Variants in DCHS1 observed in about 807,000 individuals in gnomAD.
DCHS1 encodes the protein protocadherin-16.
DCHS1 carries 78 observed loss-of-function variants against 213.9 expected under a neutral mutation model. That is an observed-to-expected ratio of 0.36 (90% CI 0.30 to 0.44). The LOEUF (loss-of-function observed/expected upper bound fraction) is 0.44, where lower values mean the gene tolerates loss of function less well. Among genes scored for constraint, DCHS1 ranks in the 20% least tolerant of loss-of-function variants. The pLI is 1.00. For missense variants in DCHS1, 3,946 were observed against 4,395.9 expected, an observed-to-expected ratio of 0.90 and a Z score of 2.89; for synonymous variants, 1,828 against 1,873.7, an observed-to-expected ratio of 0.98 and a Z score of 0.63.
chr11:6,623,366 T>G lies in DCHS1; in HGVS notation c.8310A>C (p.Arg2770=). 1 of 1,597,854 alleles carries G rather than the reference T, an allele frequency of 6.3e-7. No homozygotes were observed. Among genetic ancestry groups the G allele is most frequent in the South Asian group, 1.1e-5 (1 of 88,338 alleles). Residue 2770 remains arginine (R), a synonymous_variant, in exon 21 of 21, where the codon CGA becomes CGC. Transcript: ENST00000299441. ...LNSSTGELRA[R]VPFDYEHTES... is the part of the protein sequence containing the mutation. ...CTGTGTGCTCATAGTCAAAGGGCAC[T>G]CGCGCACGCAACTCCCCTGTTGAGC... is the stretch of plus-strand genomic sequence containing the variant.
In DCHS1 at chr11:6,640,662, G is replaced by A. The variant is rs111476304; in HGVS notation, c.952C>T (p.Arg318Trp). 945 of 1,612,802 alleles carry A rather than the reference G, an allele frequency of 5.9e-4. 6 individuals are homozygous for A. In the African/African-American group the frequency reaches 0.011, roughly 19 times the overall value. ...DAHTGLLQLERPLDFEQRRVH... is the reference protein window; with the variant it reads ...DAHTGLLQLEWPLDFEQRRVH... ...CGCCGCTGCTCAAAGTCCAGTGGCC[G>A]CTCTAACTGCAGCAGCCCCGTGTGT... is the stretch of plus-strand genomic sequence containing the variant. The change falls in exon 2 of 21, where the codon CGG (arginine) becomes TGG (tryptophan). Residue 318 changes from arginine to tryptophan, a missense_variant. By Grantham distance (101) the Arg-to-Trp change is moderately radical. This residue lies in a region of DCHS1 where 3,384 missense variants were observed against 3,780.1 expected (regional missense o/e 0.90). Transcript: ENST00000299441. The surrounding 1 kb of genome is among the most constrained non-coding windows in gnomAD (Gnocchi z 6.5).
rs761475301 is a variant in DCHS1 at position 6,622,342 on chromosome 11, G to T, written c.9334C>A (p.Pro3112Thr). Residue 3112 changes from proline to threonine, a missense_variant, in exon 21 of 21, where the codon CCC becomes ACC. Pro to Thr is a conservative substitution (Grantham distance 38). This residue lies in a region of DCHS1 where 554 missense variants were observed against 590.2 expected (regional missense o/e 0.94). Coordinates refer to ENST00000299441, the MANE Select transcript of DCHS1 (RefSeq NM_003737.4). The surrounding 1 kb of genome is among the most constrained non-coding windows in gnomAD (Gnocchi z 5.4). Reference sequence around the variant, plus strand: ...AGGAAGGCTGTGGCAGTGGCTGGGGGCCCCTCCTCTCTGTAGAGAGTGGCT... The same window carrying T: ...AGGAAGGCTGTGGCAGTGGCTGGGGTCCCCTCCTCTCTGTAGAGAGTGGCT... The part of the protein sequence containing the change: ...AGATLYREEG[P>T]PATATAFLGG... 5 of 1,597,338 alleles carry T rather than the reference G, an allele frequency of 3.1e-6. No homozygotes were observed. Among genetic ancestry groups the T allele is most frequent in the Admixed American group, 3.5e-5 (2 of 57,878 alleles).
chr11:6,654,133 A>G (rs530807867), intron 1 of DCHS1, among the ~76,000 whole-genome samples: 2 of 152,166 alleles, frequency 1.3e-5, no homozygotes, highest in Admixed American at 1.3e-4. Context: ...TACGTATGAG[A>G]AGGGGTGAAG....
Position 6,630,222 on chromosome 11 carries a change from G to A in DCHS1, c.4572C>T (p.Arg1524=), listed in dbSNP as rs1589955830. 6.4e-7 allele frequency: 1 copy of A among 1,561,942 alleles called. No homozygotes were observed. Among genetic ancestry groups the A allele is most frequent in the Non-Finnish European group, 8.7e-7 (1 of 1,156,046 alleles). Residue 1524 remains arginine, a synonymous_variant, in exon 10 of 21, where the codon CGC becomes CGT. Transcript: ENST00000299441. Reference sequence around the variant, plus strand: ...GCGCTGAAACGCGCGCTGCACGACGGCGGCTGGCGTTGGCGGGCCGGTCGG... The same window carrying A: ...GCGCTGAAACGCGCGCTGCACGACGACGGCTGGCGTTGGCGGGCCGGTCGG... ...EATDRPANAS[R]RRAARVSARV...
In DCHS1 at chr11:6,631,767, C is replaced by G. The variant is rs1425266302; in HGVS notation, c.3524G>C (p.Ser1175Thr). 6.3e-7 allele frequency: 1 copy of G among 1,584,882 alleles called. No homozygotes were observed. Among genetic ancestry groups the G allele is most frequent in the Admixed American group, 1.8e-5 (1 of 55,120 alleles). Residue 1175 changes from serine to threonine, a missense_variant, in exon 7 of 21, where the codon AGC becomes ACC. By Grantham distance (58) the Ser-to-Thr change is moderately conservative. Around this residue, in one of 3 missense-constraint regions of DCHS1, gnomAD observed 3,384 missense variants for 3,780.1 expected, o/e 0.90. Coordinates refer to ENST00000299441, the MANE Select transcript of DCHS1 (RefSeq NM_003737.4). ...CACCTGCACCAGGAGCTGATAGCTG[C>G]TCTGCTGCTCACGGTCCAGGGTTTG... is the stretch of plus-strand genomic sequence containing the variant. ...TLQTLDREQQ[S>T]SYQLLVQVQD...
chr11:6,635,876 C>G (rs1855979473), intron 2 of DCHS1, among the ~76,000 whole-genome samples: 1 of 152,200 alleles, frequency 6.6e-6, no homozygotes, highest in Admixed American at 6.5e-5. Context: ...ATGAGCAAGG[C>G]AGAAGTGAAT....
In DCHS1 at chr11:6,640,146, T is replaced by A; in HGVS notation, c.1468A>T (p.Ser490Cys). 6.2e-7 allele frequency: 1 copy of A among 1,613,786 alleles called. No individual in the cohort carries two copies. The highest frequency in any genetic ancestry group is 8.5e-7 in the Non-Finnish European group (1 of 1,179,802). ...EPLPEVALPGSFVVRVTARDP... is the reference protein window; with the variant it reads ...EPLPEVALPGCFVVRVTARDP... ...CGAGCAGTCACCCGCACTACAAAGC[T>A]GCCAGGCAGCGCAACCTCAGGCAGG... Residue 490 changes from serine to cysteine, a missense_variant, in exon 2 of 21, where the codon AGC becomes TGC. Ser to Cys is a moderately radical substitution (Grantham distance 112). Around this residue, in one of 3 missense-constraint regions of DCHS1, gnomAD observed 3,384 missense variants for 3,780.1 expected, o/e 0.90. Transcript: ENST00000299441. This position sits in a 1 kb window ranked among gnomAD's most constrained non-coding sequence, Gnocchi z 6.5.
chr11:6,640,932 A>G lies in DCHS1; in HGVS notation c.682T>C (p.Tyr228His), dbSNP rs967912571. ...RSHYMLQLEA[Y>H]DGGSPPRRAQ... The stretch of plus-strand genomic sequence containing the variant: ...CTCCGGGGGGGTGAACCACCATCAT[A>G]GGCCTCCAGCTGTAGCATATAGTGT... The change falls in exon 2 of 21, where the codon TAT (tyrosine) becomes CAT (histidine). Residue 228 changes from tyrosine to histidine, a missense_variant. By Grantham distance (83) the Tyr-to-His change is moderately conservative. Coordinates refer to ENST00000299441, the MANE Select transcript of DCHS1 (RefSeq NM_003737.4). The surrounding 1 kb of genome is among the most constrained non-coding windows in gnomAD (Gnocchi z 6.5). 1.9e-6 allele frequency: 3 copies of G among 1,613,884 alleles called. No individual in the cohort carries two copies. The African/African-American group carries it at 4.0e-5, about 22-fold the overall frequency.
At chr11:6,634,406 G>A in intron 2 of DCHS1, 100 bp from the exon 3 acceptor site, 1 of 1,347,336 alleles carries the variant, frequency 7.4e-7, no homozygotes, top group South Asian at 1.5e-5. Context: ...GTCTCTGGAT[G>A]GCGGACACAC....
At position 6,625,880 on chromosome 11, in the gene DCHS1, G is replaced by T. The variant is rs1347182277; in HGVS notation, c.6731+40C>A. The T allele has an allele frequency of 2.0e-5, 32 of 1,605,508 alleles. No homozygotes were observed. Among genetic ancestry groups the T allele is most frequent in the Non-Finnish European group, 2.6e-5 (31 of 1,176,214 alleles). On this transcript the variant is annotated intron_variant, in intron 17 of 20. Coordinates refer to ENST00000299441, the MANE Select transcript of DCHS1 (RefSeq NM_003737.4). This position sits in a 1 kb window ranked among gnomAD's most constrained non-coding sequence, Gnocchi z 5.3. ...CAAGGCAGGGCTTGAAACTGGACAG[G>T]CCCAAGATGGGGTCTTGGGTCCACA...
At chr11:6,647,070 G>A (rs767226005) in intron 1 of DCHS1, among the ~76,000 whole-genome samples, 1 of 152,234 alleles carries the variant, frequency 6.6e-6, no homozygotes, top group Non-Finnish European at 1.5e-5. Context: ...GGGGCAGAAA[G>A]ACAACAGGGG....
At position 6,632,262 on chromosome 11, in the gene DCHS1, G is replaced by GC; in HGVS notation, c.3249dup (p.Gln1084AlafsTer17). 6.2e-7 allele frequency: 1 copy of GC among 1,613,874 alleles called. No homozygotes were observed. The highest frequency in any genetic ancestry group is 8.5e-7 in the Non-Finnish European group (1 of 1,179,806). On this transcript the variant is annotated frameshift_variant, in exon 6 of 21. Coordinates refer to ENST00000299441, the MANE Select transcript of DCHS1 (RefSeq NM_003737.4). LOFTEE classifies it high-confidence loss of function. The surrounding 1 kb of genome is among the most constrained non-coding windows in gnomAD (Gnocchi z 5.9). ...CTCACGGTGGCTGTGCCTGTCTGCT[G>GC]CCCCAACTCAGCTTTGGACCCAGAC...
At position 6,631,636 on chromosome 11, in the gene DCHS1, C is replaced by A; in HGVS notation, c.3655G>T (p.Gly1219Cys). 6.3e-7 allele frequency: 1 copy of A among 1,582,794 alleles called. No individual in the cohort carries two copies. The highest frequency in any genetic ancestry group is 1.2e-5 in the South Asian group (1 of 85,174). Reference protein sequence around the residue: ...PTFLQASGAAGGGLPIQVPDR... With the variant: ...PTFLQASGAACGGLPIQVPDR... ...CATACCTGTATAGGGAGGCCCCCAC[C>A]AGCAGCTCCTGAAGCCTGCAGGAAC... The change falls in exon 7 of 21, where the codon GGT (glycine) becomes TGT (cysteine). Residue 1219 changes from glycine to cysteine, a missense_variant. Transcript: ENST00000299441.
chr11:6,631,594 A>C lies in DCHS1; in HGVS notation c.3675+22T>G. On this transcript the variant is annotated intron_variant, in intron 7 of 20. Transcript: ENST00000299441. ...CACTCCCTCTCACACTTCTCAGGAC[A>C]AAGTCCTGCCACTTCACATACCTGT... 1.9e-6 allele frequency: 3 copies of C among 1,557,078 alleles called. No homozygotes were observed. In the South Asian group the frequency reaches 3.7e-5, roughly 19 times the overall value.
intron 20 of DCHS1, 106 bp downstream of exon 20, chr11:6,624,624 C>T: frequency 6.6e-7 from 1 of 1,524,616 alleles, no homozygotes; most frequent in Non-Finnish European, 8.9e-7. Flanking sequence ...CCTCCCTAGG[C>T]CAGAGATCCA....
At chr11:6,633,143 G>A (rs1047077259) in intron 5 of DCHS1, 87 bp from the exon 6 acceptor site, 14 of 1,465,306 alleles carry the variant, frequency 9.6e-6, no homozygotes, top group Non-Finnish European at 1.3e-5. Flanking sequence ...GAAGGACTGG[G>A]CAGTGCCCAC....
Position 6,622,393 on chromosome 11 carries a change from C to T in DCHS1, c.9283G>A (p.Ala3095Thr). Residue 3095 changes from alanine (A) to threonine (T), a missense_variant, in exon 21 of 21, where the codon GCA becomes ACA. Ala to Thr is a moderately conservative substitution (Grantham distance 58). Transcript: ENST00000299441. The surrounding 1 kb of genome is among the most constrained non-coding windows in gnomAD (Gnocchi z 5.4). ...CCTGCACCTGGCAGCAGCAGCCCTG[C>T]CTTTCGGCCCTTATACCAGGTGTCA... Reference protein sequence around the residue: ...APDTWYKGRKAGLLLPGAGAT... With the variant: ...APDTWYKGRKTGLLLPGAGAT... 6.4e-7 allele frequency: 1 copy of T among 1,556,650 alleles called. No individual in the cohort carries two copies. Among genetic ancestry groups the T allele is most frequent in the Non-Finnish European group, 8.7e-7 (1 of 1,149,300 alleles).
At chr11:6,637,505 C>G (rs1856002313) in intron 2 of DCHS1, among the ~76,000 whole-genome samples, 1 of 152,016 alleles carries the variant, frequency 6.6e-6, no homozygotes, top group Non-Finnish European at 1.5e-5. Context: ...TTGGCTGAGC[C>G]TCCCTGCAGT....
rs760209360 is a variant in DCHS1, at chr11:6,634,278, G to T, written c.1826C>A (p.Pro609Gln). 2 of 1,610,730 alleles carry T rather than the reference G, an allele frequency of 1.2e-6. No individual in the cohort carries two copies. Among genetic ancestry groups the T allele is most frequent in the Non-Finnish European group, 1.7e-6 (2 of 1,178,140 alleles). Residue 609 changes from proline (P) to glutamine (Q), a missense_variant, in exon 3 of 21, where the codon CCA becomes CAA. By Grantham distance (76) the Pro-to-Gln change is moderately conservative (BLOSUM62 -1). This residue lies in a region of DCHS1 where 3,384 missense variants were observed against 3,780.1 expected (regional missense o/e 0.90). Transcript: ENST00000299441. ...QVTATDADSGPFGLLSYSLGA... is the reference protein window; with the variant it reads ...QVTATDADSGQFGLLSYSLGA... ...CAAGGAATAGGAGAGGAGGCCAAAT[G>T]GGCCACTATCCGCGTCTGTGGCTGT...
Sources: allele counts gnomAD v4.1 joint callset (sites outside exome capture counted in the v4.1 genomes callset), GRCh38; gene constraint gnomAD v4.1.1; regional missense constraint gnomAD v4.1.1; non-coding constraint Gnocchi (gnomAD v3.1); transcripts MANE v1.5; gene names NCBI Gene and HGNC (gene_info 2026-07-23, HGNC 2026-07-21).